CHN1: variants seen among roughly 807,000 people sequenced by gnomAD.
The protein encoded by CHN1 is N-chimaerin.
In CHN1, 37 loss-of-function variants were observed where a neutral mutation model predicts 59.5. The observed-to-expected ratio is 0.62, with a 90% CI of 0.48 to 0.82. The LOEUF (loss-of-function observed/expected upper bound fraction) is 0.82, where lower values mean the gene tolerates loss of function less well. Among genes scored for constraint, CHN1 ranks in the 40% least tolerant of loss-of-function variants. The probability of loss-of-function intolerance (pLI) is 0.00; values close to 1 mark genes in which losing one functional copy is unlikely to be tolerated. For missense variants in CHN1, 469 were observed against 571.0 expected (o/e 0.82, Z 1.82); for synonymous variants, 206 against 200.4 (o/e 1.03, Z -0.24).
At chr2:174,900,013 G>C (rs1224436747) in intron 5 of CHN1, among the ~76,000 whole-genome samples, 5 of 152,096 alleles carry the variant, frequency 3.3e-5, no homozygotes. Context: ...ATATCACCAG[G>C]ACAGGGATAC....
In CHN1 at chr2:174,972,564, AAAG is replaced by A. The variant is rs1242596557; in HGVS notation, c.20-20365_20-20363del. Among the ~76,000 whole-genome samples the A allele has an allele frequency of 2.6e-5, 4 of 152,170 alleles. No individual in the cohort carries two copies. In the South Asian group the frequency reaches 8.3e-4, roughly 32 times the overall value. On this transcript the variant is annotated intron_variant, in intron 1 of 12. Transcript: ENST00000409900. ...GAGTGATCTAGGATTGGGAAGAAAA[AAAG>A]AAGGTGAAGTGGGTGGCAGAGCAGT...
At chr2:174,913,643 T>C (rs894161645) in intron 5 of CHN1, among the ~76,000 whole-genome samples, 2 of 152,226 alleles carry the variant, frequency 1.3e-5, no homozygotes, top group Non-Finnish European at 2.9e-5. Context: ...CATGAACTCC[T>C]GTGACAAGCT....
intron 7 of CHN1, chr2:174,846,434 GA>G: frequency 6.5e-7 from 1 of 1,531,768 alleles, no homozygotes; most frequent in Non-Finnish European, 8.8e-7. Context: ...AGAAAAGACA[GA>G]AACTATGAGA....
chr2:174,992,392 C>T (rs1429556875), intron 1 of CHN1, among the ~76,000 whole-genome samples: 2 of 152,132 alleles, frequency 1.3e-5, no homozygotes, highest in Non-Finnish European at 2.9e-5. Flanking sequence ...AAGGTCAGTT[C>T]TTGAAAAGCA....
intron 6 of CHN1, among the ~76,000 whole-genome samples, chr2:174,851,655 C>T (rs7584204): frequency 0.36 from 55,371 of 151,996 alleles, 10,440 homozygotes; most frequent in Admixed American, 0.47. Context: ...GGATGGGGAA[C>T]GGGCAGATTC....
At chr2:174,935,870 C>T (rs2105393663) in intron 3 of CHN1, among the ~76,000 whole-genome samples, 1 of 152,144 alleles carries the variant, frequency 6.6e-6, no homozygotes, top group East Asian at 1.9e-4. Flanking sequence ...CAATGCAAAG[C>T]CACAGTGAGC....
intron 8 of CHN1, among the ~76,000 whole-genome samples, chr2:174,815,589 C>CTT (rs5836474): frequency 2.6e-4 from 33 of 127,578 alleles, no homozygotes; most frequent in African/African-American, 6.7e-4. Context: ...CGGATATTTC[C>CTT]TTTTTTTTTT....
chr2:174,830,126 G>T (rs540741316), intron 7 of CHN1, among the ~76,000 whole-genome samples: 1 of 152,030 alleles, frequency 6.6e-6, no homozygotes, highest in African/African-American at 2.4e-5. Context: ...CCAGCTACTC[G>T]GGAGGCTGAG....
At chr2:174,884,251 G>A (rs796469198) in intron 5 of CHN1, among the ~76,000 whole-genome samples, 2 of 152,014 alleles carry the variant, frequency 1.3e-5, no homozygotes, top group Admixed American at 6.5e-5. Context: ...GATTACAGGC[G>A]TGAGCCACCG....
At chr2:174,869,279 T>A (rs1558959783) in intron 6 of CHN1, among the ~76,000 whole-genome samples, 1 of 152,174 alleles carries the variant, frequency 6.6e-6, no homozygotes. Context: ...CACCTCTAAT[T>A]CCTTTGCTGC....
chr2:174,950,237 T>C (rs1458997896), intron 2 of CHN1, among the ~76,000 whole-genome samples: 2 of 151,640 alleles, frequency 1.3e-5, no homozygotes, highest in African/African-American at 2.4e-5. Context: ...GACAAAGCAA[T>C]AGCCTATCTC....
At chr2:174,884,260 C>T (rs886450183) in intron 5 of CHN1, among the ~76,000 whole-genome samples, 5 of 151,774 alleles carry the variant, frequency 3.3e-5, no homozygotes, top group Non-Finnish European at 5.9e-5. Flanking sequence ...CGTGAGCCAC[C>T]GAGCCCGGCC....
intron 5 of CHN1, among the ~76,000 whole-genome samples, chr2:174,883,089 CCTAA>C (rs768068739): frequency 1.3e-5 from 2 of 152,236 alleles, no homozygotes; most frequent in South Asian, 2.1e-4. Flanking sequence ...ATCCAATTTG[CCTAA>C]CTAAACTTCC....
chr2:175,004,662 G>A (rs1172486004), intron 1 of CHN1, among the ~76,000 whole-genome samples: 1 of 152,132 alleles, frequency 6.6e-6, no homozygotes, highest in African/African-American at 2.4e-5. Context: ...GAGCCTCCCA[G>A]CCGAGAATTG....
intron 8 of CHN1, among the ~76,000 whole-genome samples, chr2:174,815,685 T>A (rs1343821896): frequency 6.6e-6 from 1 of 151,678 alleles, no homozygotes; most frequent in African/African-American, 2.4e-5. Context: ...AATTACAACA[T>A]CTGTGTCATC....
At chr2:174,861,908 G>C (rs1331065762) in intron 6 of CHN1, among the ~76,000 whole-genome samples, 2 of 152,146 alleles carry the variant, frequency 1.3e-5, no homozygotes, top group African/African-American at 4.8e-5. Context: ...ATAATGTAAA[G>C]TGCCATGAAC....
At chr2:174,824,288 G>T in intron 8 of CHN1, 146 bp downstream of exon 8, 1 of 475,156 alleles carries the variant, frequency 2.1e-6, no homozygotes, top group Non-Finnish European at 3.7e-6. Flanking sequence ...TTCCAAAGTG[G>T]CTGCCTGAGA....
intron 3 of CHN1, 90 bp from the exon 4 acceptor site, chr2:174,918,655 C>A: frequency 9.5e-7 from 1 of 1,052,508 alleles, no homozygotes. Flanking sequence ...CAAAGTAAAG[C>A]ATATATTAAA....
intron 3 of CHN1, among the ~76,000 whole-genome samples, chr2:174,943,107 T>C (rs888382131): frequency 6.6e-5 from 10 of 151,780 alleles, no homozygotes; most frequent in African/African-American, 2.4e-4. Context: ...GCTATTTAAG[T>C]TATCTTTTTT....
Sources: allele counts gnomAD v4.1 joint callset (sites outside exome capture counted in the v4.1 genomes callset), GRCh38; gene constraint gnomAD v4.1.1; transcripts MANE v1.5; gene names NCBI Gene and HGNC (gene_info 2026-07-23, HGNC 2026-07-21).